The following KCNK10 variants were observed in gnomAD, a reference collection of about 807,000 sequenced individuals.
KCNK10 encodes potassium channel subfamily K member 10.
KCNK10 carries 25 observed loss-of-function variants against 47.7 expected under a neutral mutation model. The observed-to-expected ratio is 0.52, with a 90% CI of 0.38 to 0.73. KCNK10 has a LOEUF of 0.73. KCNK10 is among the 30% of genes least tolerant of loss of function. The pLI is 0.00. For synonymous variants in KCNK10, 303 were observed against 285.6 expected (o/e 1.06, Z -0.61); for missense variants, 563 against 714.5 (o/e 0.79, Z 2.42).
chr14:88,204,776 A>G (rs1885211417), intron 4 of KCNK10, among the ~76,000 whole-genome samples: 1 of 152,114 alleles, frequency 6.6e-6, no homozygotes, highest in Admixed American at 6.6e-5. Flanking sequence ...AATTAAGAGA[A>G]AGGTACAGAG....
At chr14:88,281,954 T>C (rs1177613950) in intron 1 of KCNK10, among the ~76,000 whole-genome samples, 1 of 151,986 alleles carries the variant, frequency 6.6e-6, no homozygotes, top group Admixed American at 6.6e-5. Flanking sequence ...AGTTATATTA[T>C]TTGTTTCTTT....
intron 1 of KCNK10, among the ~76,000 whole-genome samples, chr14:88,309,551 G>A (rs547213937): frequency 6.6e-6 from 1 of 152,338 alleles, no homozygotes; most frequent in African/African-American, 2.4e-5. Flanking sequence ...GCAGTGAGCT[G>A]TGATTGCACC....
At chr14:88,205,459 T>C (rs1422083808) in intron 4 of KCNK10, among the ~76,000 whole-genome samples, 2 of 152,080 alleles carry the variant, frequency 1.3e-5, no homozygotes, top group African/African-American at 2.4e-5. Context: ...CATCCATCCA[T>C]GTGTCTCCCT....
chr14:88,316,052 G>A (rs369411566), intron 1 of KCNK10, among the ~76,000 whole-genome samples: 2 of 152,202 alleles, frequency 1.3e-5, no homozygotes, highest in Admixed American at 6.5e-5. Context: ...TAAGTGATGA[G>A]ACTAGCAGTT....
intron 1 of KCNK10, among the ~76,000 whole-genome samples, chr14:88,318,462 G>A (rs939501285): frequency 3.3e-5 from 5 of 152,180 alleles, no homozygotes; most frequent in African/African-American, 7.2e-5. Context: ...TAAGACAATC[G>A]AATAGGTGAC....
chr14:88,199,062 G>C lies in KCNK10; in HGVS notation c.682-6652C>G, dbSNP rs1885015893. 2.0e-5 allele frequency among the ~76,000 whole-genome samples: 3 copies of C among 152,110 alleles called. No individual in the cohort carries two copies. The South Asian group carries it at 6.2e-4, about 32-fold the overall frequency. On this transcript the variant is annotated intron_variant, in intron 4 of 6. Transcript: ENST00000319231. Reference sequence around the variant, plus strand: ...AGCCTCCCGAGTAGCTGAGATTACAGGAGCGCACCGCCACGCCCAGCTAAT... The same window carrying C: ...AGCCTCCCGAGTAGCTGAGATTACACGAGCGCACCGCCACGCCCAGCTAAT...
intron 3 of KCNK10, among the ~76,000 whole-genome samples, chr14:88,228,130 G>A (rs527526487): frequency 1.2e-3 from 161 of 139,484 alleles, no homozygotes; most frequent in African/African-American, 4.4e-3. Flanking sequence ...GTGAAGTTTC[G>A]CCCCATCTGG....
intron 1 of KCNK10, among the ~76,000 whole-genome samples, chr14:88,305,154 G>A (rs531995309): frequency 2.2e-3 from 330 of 151,758 alleles, no homozygotes; most frequent in Admixed American, 5.4e-3. Context: ...AGCCAAGATC[G>A]CGCCACTGCA....
At position 88,186,859 on chromosome 14, in the gene KCNK10, G is replaced by A. The variant is rs1042735229; in HGVS notation, c.1012-704C>T. Among the ~76,000 whole-genome samples the A allele has an allele frequency of 4.6e-5, 7 of 152,150 alleles. No individual in the cohort carries two copies. The highest frequency in any genetic ancestry group is 4.1e-4 in the South Asian group (2 of 4,836). ...TCCCCCAGTCAGGGTGCAGGAAGAC[G>A]GCCTATTCTGCCAAAGCCCACAGAA... On this transcript the variant is annotated intron_variant, in intron 6 of 6. Coordinates refer to ENST00000319231, the MANE Select transcript of KCNK10 (RefSeq NM_138317.3). This position sits in a 1 kb window ranked among gnomAD's most constrained non-coding sequence, Gnocchi z 5.5.
rs71126972 is a variant in KCNK10 at position 88,275,693 on chromosome 14, CAAAAAA to C, written c.53-12148_53-12143del. ...CGAAGTCCCAGCTCTGCTAAAAATA[CAAAAAA>C]AAAAAAAAAAAAAAAAAATTAGCCA... On this transcript the variant is annotated intron_variant, in intron 1 of 6. Coordinates refer to ENST00000319231, the MANE Select transcript of KCNK10 (RefSeq NM_138317.3). 1.3e-4 allele frequency among the ~76,000 whole-genome samples: 9 copies of C among 71,972 alleles called. 1 individual carries two copies. Among genetic ancestry groups the C allele is most frequent in the East Asian group, 5.4e-4 (1 of 1,860 alleles). The allele number at this position is 71,972 out of a possible 152,430, so 47.2% of individuals were successfully genotyped here. A position where few individuals can be genotyped will look rare whatever the true frequency, so the allele number is the denominator to read the frequency against.
chr14:88,214,846 T>A (rs1885569465), intron 4 of KCNK10, among the ~76,000 whole-genome samples: 1 of 152,198 alleles, frequency 6.6e-6, no homozygotes, highest in South Asian at 2.1e-4. Context: ...ACTAGCCATT[T>A]TTATCTGTCC....
chr14:88,301,621 T>C (rs552662781), intron 1 of KCNK10, among the ~76,000 whole-genome samples: 1 of 145,004 alleles, frequency 6.9e-6, no homozygotes, highest in African/African-American at 2.6e-5. Context: ...AAGCCAGTCC[T>C]ATGAAAATTG....
chr14:88,254,456 C>T, intron 2 of KCNK10, among the ~76,000 whole-genome samples: 1 of 152,138 alleles, frequency 6.6e-6, no homozygotes, highest in South Asian at 2.1e-4. Flanking sequence ...ACTCGAGCTC[C>T]CCTGAAGACA....
intron 4 of KCNK10, among the ~76,000 whole-genome samples, chr14:88,208,077 T>C (rs1219167249): frequency 6.6e-6 from 1 of 152,244 alleles, no homozygotes; most frequent in Non-Finnish European, 1.5e-5. Flanking sequence ...CCAAGGCTCT[T>C]ACTTTAGGAA....
chr14:88,193,666 A>G (rs1408233819), intron 4 of KCNK10, among the ~76,000 whole-genome samples: 2 of 152,174 alleles, frequency 1.3e-5, no homozygotes, highest in Non-Finnish European at 2.9e-5. Context: ...GCACAGAGAG[A>G]CCTTTGCTTT....
rs73329861 is a variant in KCNK10 at position 88,300,219 on chromosome 14, C to T, written c.52+22528G>A. On this transcript the variant is annotated intron_variant, in intron 1 of 6. Coordinates refer to ENST00000319231, the MANE Select transcript of KCNK10 (RefSeq NM_138317.3). ...GCTTAAAACCATCTTCCTCCCCTCT[C>T]TTCTCCACCAATCCACATACATTCC... 7.0e-3 allele frequency among the ~76,000 whole-genome samples: 1,072 copies of T among 152,316 alleles called. 19 individuals are homozygous for T. Among genetic ancestry groups the T allele is most frequent in the African/African-American group, 0.025 (1,032 of 41,558 alleles).
chr14:88,314,397 C>T (rs1354212129), intron 1 of KCNK10, among the ~76,000 whole-genome samples: 1 of 152,188 alleles, frequency 6.6e-6, no homozygotes, highest in Non-Finnish European at 1.5e-5. Flanking sequence ...ACCTCCCAGC[C>T]TCCAGAACAG....
intron 4 of KCNK10, among the ~76,000 whole-genome samples, chr14:88,204,979 C>T (rs1347048167): frequency 6.6e-6 from 1 of 152,186 alleles, no homozygotes; most frequent in Non-Finnish European, 1.5e-5. Flanking sequence ...GACATGTATC[C>T]ACCATTATAG....
At chr14:88,236,146 C>A (rs1007727005) in intron 3 of KCNK10, among the ~76,000 whole-genome samples, 1 of 152,174 alleles carries the variant, frequency 6.6e-6, no homozygotes, top group Admixed American at 6.5e-5. Context: ...CAAGACCTGG[C>A]TTCTACAAAA....
Sources: allele counts gnomAD v4.1 joint callset (sites outside exome capture counted in the v4.1 genomes callset), GRCh38; gene constraint gnomAD v4.1.1; non-coding constraint Gnocchi (gnomAD v3.1); transcripts MANE v1.5; gene names NCBI Gene and HGNC (gene_info 2026-07-23, HGNC 2026-07-21).